Variants in DIAPH2 observed in about 807,000 individuals in gnomAD.
DIAPH2 encodes the protein diaphanous related formin 2, also known as protein diaphanous homolog 2.
A neutral mutation model predicts 92.7 loss-of-function variants in DIAPH2; 35 were observed. The ratio of observed to expected loss-of-function variants is 0.38; its 90% CI spans 0.29 to 0.50. The LOEUF (loss-of-function observed/expected upper bound fraction) is 0.50. Among genes scored for constraint, DIAPH2 ranks in the 20% least tolerant of loss-of-function variants. The probability of loss-of-function intolerance (pLI) is 0.94; values close to 1 mark genes in which losing one functional copy is unlikely to be tolerated. For missense variants in DIAPH2, 701 were observed against 819.5 expected, an observed-to-expected ratio of 0.86 and a Z score of 1.77; for synonymous variants, 301 against 280.4, an observed-to-expected ratio of 1.07 and a Z score of -0.73.
intron 26 of DIAPH2, among the ~76,000 whole-genome samples, chrX:97,552,038 T>G (rs998325618): frequency 4.5e-5 from 5 of 111,928 alleles, no homozygotes; most frequent in African/African-American, 1.3e-4. Flanking sequence ...CTGGTAACTG[T>G]GTGATCGTGA....
intron 3 of DIAPH2, among the ~76,000 whole-genome samples, chrX:96,740,233 G>A (rs1238356145): frequency 9.0e-6 from 1 of 111,620 alleles, no homozygotes; most frequent in Non-Finnish European, 1.9e-5. Flanking sequence ...CATTCAGAAT[G>A]TTTGTAGTGT....
At chrX:97,330,993 C>T (rs971936292) in intron 23 of DIAPH2, among the ~76,000 whole-genome samples, 1 of 110,301 alleles carries the variant, frequency 9.1e-6, no homozygotes, top group Non-Finnish European at 1.9e-5. Context: ...TTTTTCAGTC[C>T]AAGAGCTGGC....
intron 24 of DIAPH2, among the ~76,000 whole-genome samples, chrX:97,363,665 C>CA (rs35245894): frequency 0.035 from 616 of 17,662 alleles, 38 homozygotes; most frequent in Middle Eastern, 0.065. Flanking sequence ...GACTCTGCCT[C>CA]AAAAAAAAAA....
At chrX:97,153,573 G>A (rs1196707714) in intron 22 of DIAPH2, among the ~76,000 whole-genome samples, 2 of 111,248 alleles carry the variant, frequency 1.8e-5, no homozygotes, top group African/African-American at 3.3e-5. Context: ...CAACAAGAAC[G>A]AAACTCTGTC....
chrX:97,363,349 A>G (rs1008305238), intron 24 of DIAPH2, among the ~76,000 whole-genome samples: 4 of 111,096 alleles, frequency 3.6e-5, no homozygotes, highest in African/African-American at 1.3e-4. Context: ...GCAAAACAGT[A>G]TTTTTGCTAT....
At position 97,377,927 on chromosome X, in the gene DIAPH2, A is replaced by G. The variant is rs774222630; in HGVS notation, c.3010-5982A>G. Among the ~76,000 whole-genome samples the G allele has an allele frequency of 2.3e-4, 26 of 110,800 alleles. No individual in the cohort carries two copies. In the South Asian group the frequency reaches 8.8e-3, roughly 38 times the overall value. ...AAATTTTAAGTGTTTTATTTTTAAA[A>G]GAGGCGACTGAAAGAAACAATTTAA... On this transcript the variant is annotated intron_variant, in intron 24 of 26. Transcript: ENST00000324765.
chrX:97,262,713 A>G (rs753428297), intron 23 of DIAPH2, among the ~76,000 whole-genome samples: 9 of 111,521 alleles, frequency 8.1e-5, no homozygotes, highest in Non-Finnish European at 1.5e-4. Context: ...GTATAAGGGG[A>G]AGGTACACAT....
chrX:96,844,548 A>G (rs778235732), intron 4 of DIAPH2, among the ~76,000 whole-genome samples: 2 of 112,538 alleles, frequency 1.8e-5, no homozygotes, highest in East Asian at 5.5e-4. Flanking sequence ...AGGAGATAAT[A>G]TAAAAATAAA....
intron 10 of DIAPH2, among the ~76,000 whole-genome samples, chrX:96,934,247 A>G (rs2065642203): frequency 8.9e-6 from 1 of 112,017 alleles, no homozygotes; most frequent in Non-Finnish European, 1.9e-5. Flanking sequence ...ATTTATAGTA[A>G]CATTACATAT....
chrX:96,885,743 G>A (rs957202778), intron 5 of DIAPH2, among the ~76,000 whole-genome samples: 2 of 111,267 alleles, frequency 1.8e-5, no homozygotes, highest in East Asian at 2.8e-4. Context: ...TTAAAATGTG[G>A]TGAAGTTCAA....
At chrX:97,116,156 A>G (rs757877623) in intron 21 of DIAPH2, among the ~76,000 whole-genome samples, 2 of 112,218 alleles carry the variant, frequency 1.8e-5, no homozygotes. Context: ...GATGTTCATT[A>G]CATATACATG....
chrX:97,156,328 C>T (rs1476381436), intron 22 of DIAPH2, among the ~76,000 whole-genome samples: 1 of 111,848 alleles, frequency 8.9e-6, no homozygotes, highest in African/African-American at 3.2e-5. Flanking sequence ...AAATTTTTCT[C>T]TATGATTGTT....
At chrX:97,293,696 TA>T (rs1173997256) in intron 23 of DIAPH2, among the ~76,000 whole-genome samples, 2 of 112,120 alleles carry the variant, frequency 1.8e-5, no homozygotes, top group Admixed American at 1.9e-4. Flanking sequence ...ATAGACTCAC[TA>T]TGTTTAGATT....
intron 5 of DIAPH2, among the ~76,000 whole-genome samples, chrX:96,883,498 AGCCTCCC>A (rs1321049210): frequency 5.5e-5 from 6 of 108,458 alleles, no homozygotes; most frequent in African/African-American, 2.0e-4. Flanking sequence ...CTCCTGCCTC[AGCCTCCC>A]GAGTAGCTGG....
intron 9 of DIAPH2, among the ~76,000 whole-genome samples, chrX:96,929,830 A>C (rs1344875473): frequency 9.0e-6 from 1 of 110,520 alleles, no homozygotes; most frequent in Non-Finnish European, 1.9e-5. Context: ...AAAAATAATA[A>C]ATTTAAATGG....
chrX:96,725,441 T>G (rs778332415), intron 1 of DIAPH2, among the ~76,000 whole-genome samples: 2 of 112,465 alleles, frequency 1.8e-5, no homozygotes, highest in Non-Finnish European at 3.8e-5. Flanking sequence ...CTGAAAATTA[T>G]TTTTTGTTCA....
intron 24 of DIAPH2, among the ~76,000 whole-genome samples, chrX:97,381,107 TC>T (rs1461105723): frequency 8.9e-6 from 1 of 111,798 alleles, no homozygotes. Context: ...CTTATTTTCT[TC>T]TATCGCAAAT....
chrX:97,026,301 G>A (rs1382440813), intron 17 of DIAPH2, among the ~76,000 whole-genome samples: 1 of 111,912 alleles, frequency 8.9e-6, no homozygotes, highest in African/African-American at 3.2e-5. Context: ...TTGCCATTTG[G>A]TTAGGAAATA....
chrX:97,469,370 A>G (rs2070542167), intron 26 of DIAPH2, among the ~76,000 whole-genome samples: 1 of 112,306 alleles, frequency 8.9e-6, no homozygotes, highest in Non-Finnish European at 1.9e-5. Context: ...AGAAAGTCGC[A>G]TCTATTCATT....
Sources: gnomAD v4.1 joint callset for allele counts (sites outside exome capture counted in the v4.1 genomes callset) on GRCh38, gnomAD v4.1.1 for gene constraint, MANE v1.5 for transcripts, NCBI Gene and HGNC (gene_info 2026-07-23, HGNC 2026-07-21) for gene names.